ZFP14: variants seen among roughly 807,000 people sequenced by gnomAD.
ZFP14 encodes the protein ZFP14 zinc finger protein, also known as zinc finger protein 14 homolog.
In ZFP14, 22 loss-of-function variants were observed where a neutral mutation model predicts 54.5. The observed-to-expected ratio is 0.40, with a 90% confidence interval of 0.29 to 0.58. The LOEUF (loss-of-function observed/expected upper bound fraction) is 0.58. Among genes scored for constraint, ZFP14 ranks in the 20% least tolerant of loss-of-function variants. The pLI is 0.39. For synonymous variants in ZFP14, 159 were observed against 204.0 expected (o/e 0.78, Z 1.88); for missense variants, 470 against 637.8 (o/e 0.74, Z 2.83).
intron 4 of ZFP14, among the ~76,000 whole-genome samples, chr19:36,347,412 C>G (rs2031437221): frequency 6.6e-6 from 1 of 151,882 alleles, no homozygotes; most frequent in South Asian, 2.1e-4. Flanking sequence ...GAGTTCGAGA[C>G]CAGCCTGGCC....
At chr19:36,375,437 G>T (rs551892079) in intron 1 of ZFP14, among the ~76,000 whole-genome samples, 264 of 150,902 alleles carry the variant, frequency 1.7e-3, no homozygotes, top group African/African-American at 6.0e-3. Flanking sequence ...ACCCAGGCTG[G>T]AGTGCAGTAG....
chr19:36,364,988 C>CTTTTTCTTTTTTTTTTTTTTTTTTTTTT (rs2031769808), intron 2 of ZFP14, among the ~76,000 whole-genome samples: 1 of 97,814 alleles, frequency 1.0e-5, no homozygotes, highest in Non-Finnish European at 2.1e-5. Context: ...TTTCCTTTTT[C>CTTTTTCTTTTTTTTTTTTTTTTTTTTTT]TTTTTCTTTT....
In ZFP14 at chr19:36,334,528, G is replaced by A. The variant is rs899940595; in HGVS notation, c.*5696C>T. ...AATCATTGTTTAATATAATATATAA[G>A]CATGTTTAACACAAACATATCAAGG... On this transcript the variant is annotated 3_prime_UTR_variant, in exon 5 of 5. Coordinates refer to ENST00000270001, the MANE Select transcript of ZFP14 (RefSeq NM_020917.3). 5 of 152,078 alleles carry A rather than the reference G, an allele frequency of 3.3e-5. No individual in the cohort carries two copies. The highest frequency in any genetic ancestry group is 7.4e-5 in the Non-Finnish European group (5 of 68,024). 9.4% of individuals were successfully genotyped at this position (152,078 alleles called of 1,614,324 possible). A position where few individuals can be genotyped will look rare whatever the true frequency, so the allele number is the denominator to read the frequency against.
At chr19:36,358,360 C>T (rs747287889) in intron 4 of ZFP14, among the ~76,000 whole-genome samples, 6 of 152,172 alleles carry the variant, frequency 3.9e-5, no homozygotes, top group Non-Finnish European at 7.3e-5. Flanking sequence ...ATCTGCCTGC[C>T]TTGGCCTCCC....
At chr19:36,349,676 A>T (rs542589084) in intron 4 of ZFP14, among the ~76,000 whole-genome samples, 1 of 131,706 alleles carries the variant, frequency 7.6e-6, no homozygotes, top group East Asian at 2.1e-4. Flanking sequence ...CAAAACAAAA[A>T]AAAAATATAT....
intron 2 of ZFP14, among the ~76,000 whole-genome samples, chr19:36,367,305 A>T (rs1419641249): frequency 2.6e-5 from 4 of 152,202 alleles, no homozygotes; most frequent in Non-Finnish European, 4.4e-5. Flanking sequence ...TGTTAACAGG[A>T]GGACATTCTG....
intron 2 of ZFP14, among the ~76,000 whole-genome samples, chr19:36,363,402 A>G (rs1473247955): frequency 6.6e-6 from 1 of 151,318 alleles, no homozygotes; most frequent in Non-Finnish European, 1.5e-5. Flanking sequence ...TCTCCGCGTT[A>G]ATTAGGATGG....
intron 4 of ZFP14, among the ~76,000 whole-genome samples, chr19:36,356,794 G>T (rs1173717573): frequency 1.3e-5 from 2 of 152,080 alleles, no homozygotes; most frequent in African/African-American, 4.8e-5. Context: ...CACCCAAGTT[G>T]TTGCATGTAT....
At position 36,334,883 on chromosome 19, in the gene ZFP14, A is replaced by G. The variant is rs531093768; in HGVS notation, c.*5341T>C. 1 of 140,940 alleles carries G rather than the reference A, an allele frequency of 7.1e-6. No homozygotes were observed. Among genetic ancestry groups the G allele is most frequent in the African/African-American group, 2.5e-5 (1 of 39,380 alleles). The allele number at this position is 140,940 out of a possible 1,614,324, so 8.7% of individuals were successfully genotyped here. On this transcript the variant is annotated 3_prime_UTR_variant, in exon 5 of 5. Transcript: ENST00000270001. ...TTCCTCAAAAGTAGATTTTTATTTT[A>G]TTTTATTTGAGACTGAGTTTCACTC...
chr19:36,371,986 T>TGCAGGGAGGGAG (rs2031884100), intron 1 of ZFP14, among the ~76,000 whole-genome samples: 1 of 103,366 alleles, frequency 9.7e-6, no homozygotes, highest in African/African-American at 4.0e-5. Context: ...GAAGGAGGGA[T>TGCAGGGAGGGAG]GGAGGGAGGG....
At chr19:36,343,179 A>G (rs1322425342) in intron 4 of ZFP14, among the ~76,000 whole-genome samples, 1 of 152,176 alleles carries the variant, frequency 6.6e-6, no homozygotes, top group East Asian at 1.9e-4. Flanking sequence ...CTGGGCAAGT[A>G]ATTGTTTTGT....
At chr19:36,378,166 G>A (rs974656264) in intron 1 of ZFP14, 2 of 152,238 alleles carry the variant, frequency 1.3e-5, no homozygotes, top group Non-Finnish European at 1.5e-5. Context: ...AGGATCTAAT[G>A]ACAGCTGCAA....
chr19:36,357,909 A>C (rs1431584880), intron 4 of ZFP14, among the ~76,000 whole-genome samples: 1 of 151,126 alleles, frequency 6.6e-6, no homozygotes, highest in African/African-American at 2.4e-5. Context: ...TGCCTGGCTA[A>C]TTTTTGTATT....
At chr19:36,363,447 G>A (rs1183056146) in intron 2 of ZFP14, among the ~76,000 whole-genome samples, 2 of 151,500 alleles carry the variant, frequency 1.3e-5, no homozygotes, top group Non-Finnish European at 2.9e-5. Flanking sequence ...CGCCCGCCTC[G>A]GCTTCCCAAA....
Position 36,354,843 on chromosome 19 carries a change from C to T in ZFP14, c.235+5592G>A, listed in dbSNP as rs1193548978. ...TGTGCCACCACGCCCAGCTAATTTTCGTATTTTCAGTAGAGACAGGTTTCA... is the reference window on the plus strand; with the variant it reads ...TGTGCCACCACGCCCAGCTAATTTTTGTATTTTCAGTAGAGACAGGTTTCA... On this transcript the variant is annotated intron_variant, in intron 4 of 4. Transcript: ENST00000270001. Among the ~76,000 whole-genome samples, 7 of 142,252 alleles carry T rather than the reference C, an allele frequency of 4.9e-5. 1 individual carries two copies. The highest frequency in any genetic ancestry group is 9.4e-5 in the Non-Finnish European group (6 of 64,112). 93.3% of individuals were successfully genotyped at this position (142,252 alleles called of 152,430 possible).
rs988791917 is a variant in ZFP14, at chr19:36,343,459, T to G, written c.236-1869A>C. 9.2e-5 allele frequency among the ~76,000 whole-genome samples: 14 copies of G among 152,310 alleles called. 1 individual carries two copies. In the Middle Eastern group the frequency reaches 0.01, roughly 111 times the overall value. On this transcript the variant is annotated intron_variant, in intron 4 of 4. Transcript: ENST00000270001. Reference sequence around the variant, plus strand: ...GCTGCTCCTTCTTTGAGGAATCCTCTGACACTGCATGGTTGGCTGGTTTTC... The same window carrying G: ...GCTGCTCCTTCTTTGAGGAATCCTCGGACACTGCATGGTTGGCTGGTTTTC...
rs1476734839 is a variant in ZFP14, at chr19:36,336,326, G to A, written c.*3898C>T. ...GCGATCTCAACTCACCACAAACTCCGCCTCCTGGATTCAAGTGATTCTCCT... is the reference window on the plus strand; with the variant it reads ...GCGATCTCAACTCACCACAAACTCCACCTCCTGGATTCAAGTGATTCTCCT... On this transcript the variant is annotated 3_prime_UTR_variant, in exon 5 of 5. Transcript: ENST00000270001. 6.9e-5 allele frequency: 9 copies of A among 131,094 alleles called. No individual in the cohort carries two copies. In the Admixed American group the frequency reaches 8.2e-4, roughly 12 times the overall value. The allele number at this position is 131,094 out of a possible 1,614,324, so 8.1% of individuals were successfully genotyped here. A position where few individuals can be genotyped will look rare whatever the true frequency, so the allele number is the denominator to read the frequency against.
chr19:36,349,684 T>TATATATATATA (rs1008335987), intron 4 of ZFP14, among the ~76,000 whole-genome samples: 6 of 140,936 alleles, frequency 4.3e-5, no homozygotes, highest in African/African-American at 1.6e-4. Flanking sequence ...AAAAAAAATA[T>TATATATATATA]ATATATATAT....
chr19:36,356,529 A>G (rs1354476976), intron 4 of ZFP14, among the ~76,000 whole-genome samples: 1 of 152,082 alleles, frequency 6.6e-6, no homozygotes, highest in Non-Finnish European at 1.5e-5. Flanking sequence ...GCATAGCTCT[A>G]TGCAATTTTA....
Sources: gnomAD v4.1 joint callset for allele counts (sites outside exome capture counted in the v4.1 genomes callset) on GRCh38, gnomAD v4.1.1 for gene constraint, MANE v1.5 for transcripts, NCBI Gene and HGNC (gene_info 2026-07-23, HGNC 2026-07-21) for gene names.